Variants in NRXN1 observed in about 807,000 individuals in gnomAD.
NRXN1 encodes neurexin 1.
In NRXN1, 39 loss-of-function variants were observed where a neutral mutation model predicts 150.9. The observed-to-expected ratio is 0.26, with a 90% confidence interval of 0.20 to 0.34. NRXN1 has a LOEUF of 0.34. NRXN1 is among the 10% of genes least tolerant of loss of function. NRXN1 has a pLI of 1.00. For synonymous variants in NRXN1, 924 were observed against 757.0 expected (o/e 1.22, Z -3.62); for missense variants, 1,815 against 1,949.9 (o/e 0.93, Z 1.30).
chr2:50,557,813 T>C (rs1266705984), intron 8 of NRXN1, among the ~76,000 whole-genome samples: 4 of 152,202 alleles, frequency 2.6e-5, no homozygotes, highest in Non-Finnish European at 4.4e-5. Context: ...AGAAGGTAGA[T>C]AGCAATTGAT....
intron 17 of NRXN1, among the ~76,000 whole-genome samples, chr2:50,315,588 C>T (rs1016850268): frequency 1.3e-5 from 2 of 152,104 alleles, no homozygotes; most frequent in Non-Finnish European, 2.9e-5. Flanking sequence ...GTCTCCTGTA[C>T]AGTCAGTGCC....
chr2:50,831,685 A>T (rs533688908), intron 5 of NRXN1, among the ~76,000 whole-genome samples: 2 of 152,250 alleles, frequency 1.3e-5, no homozygotes, highest in Non-Finnish European at 2.9e-5. Context: ...TTTTTAAAAC[A>T]TGGACGTTAC....
At chr2:50,525,597 GC>G (rs2092929961) in intron 12 of NRXN1, among the ~76,000 whole-genome samples, 2 of 152,272 alleles carry the variant, frequency 1.3e-5, no homozygotes, top group South Asian at 4.1e-4. Flanking sequence ...AAGCTAATGA[GC>G]ATCAATAAAC....
At chr2:50,427,381 C>A (rs1176299439) in intron 17 of NRXN1, among the ~76,000 whole-genome samples, 2 of 150,720 alleles carry the variant, frequency 1.3e-5, no homozygotes, top group Admixed American at 6.6e-5. Context: ...AAAAAAAAGC[C>A]CATAACATTC....
At chr2:50,655,996 G>A (rs964938853) in intron 5 of NRXN1, among the ~76,000 whole-genome samples, 2 of 151,898 alleles carry the variant, frequency 1.3e-5, no homozygotes, top group African/African-American at 4.8e-5. Context: ...CGACCTCTAG[G>A]CTTCAGAAAG....
chr2:50,699,168 T>C (rs1050561692), intron 5 of NRXN1, among the ~76,000 whole-genome samples: 33 of 152,090 alleles, frequency 2.2e-4, no homozygotes, highest in Non-Finnish European at 7.4e-5. Flanking sequence ...TAAAACCTAG[T>C]ATGGGATGAT....
At chr2:50,868,580 G>T (rs953225851) in intron 5 of NRXN1, among the ~76,000 whole-genome samples, 24 of 151,662 alleles carry the variant, frequency 1.6e-4, no homozygotes, top group African/African-American at 5.6e-4. Flanking sequence ...AACTTCAAAA[G>T]AATTACAGAA....
intron 21 of NRXN1, among the ~76,000 whole-genome samples, chr2:49,952,820 T>C (rs1044456273): frequency 6.6e-6 from 1 of 152,148 alleles, no homozygotes; most frequent in Non-Finnish European, 1.5e-5. Flanking sequence ...CAATGAGATA[T>C]TCATCTTTGT....
At chr2:50,678,175 A>G (rs1689815732) in intron 5 of NRXN1, among the ~76,000 whole-genome samples, 1 of 152,120 alleles carries the variant, frequency 6.6e-6, no homozygotes. Context: ...ATTCTAAACT[A>G]AGCACTGCAT....
At chr2:50,444,166 A>T (rs999210620) in intron 17 of NRXN1, among the ~76,000 whole-genome samples, 1 of 152,216 alleles carries the variant, frequency 6.6e-6, no homozygotes, top group African/African-American at 2.4e-5. Flanking sequence ...CTTCTCTGAT[A>T]AAAATCTTTA....
chr2:50,939,928 C>G (rs1689148256), intron 2 of NRXN1, among the ~76,000 whole-genome samples: 1 of 152,108 alleles, frequency 6.6e-6, no homozygotes, highest in Admixed American at 6.6e-5. Context: ...AATTATATAG[C>G]TGTCAATTAA....
chr2:50,225,788 C>T (rs957313443), intron 18 of NRXN1, among the ~76,000 whole-genome samples: 12 of 151,664 alleles, frequency 7.9e-5, no homozygotes, highest in African/African-American at 2.4e-4. Context: ...TATTTATGCC[C>T]CAAACTTACA....
intron 5 of NRXN1, among the ~76,000 whole-genome samples, chr2:50,649,259 T>TACACAC (rs10634117): frequency 0.032 from 4,524 of 143,274 alleles, 74 homozygotes; most frequent in Middle Eastern, 0.068. Context: ...CATACACACA[T>TACACAC]ACACACACAC....
At chr2:50,990,694 G>A (rs965780483) in intron 2 of NRXN1, among the ~76,000 whole-genome samples, 1 of 151,910 alleles carries the variant, frequency 6.6e-6, no homozygotes, top group African/African-American at 2.4e-5. Context: ...CTATTAAACA[G>A]GAGTATGATT....
intron 19 of NRXN1, among the ~76,000 whole-genome samples, chr2:50,061,931 AT>A (rs1191092657): frequency 6.6e-6 from 1 of 152,172 alleles, no homozygotes; most frequent in Non-Finnish European, 1.5e-5. Context: ...AGAATTAAGT[AT>A]TTTTGACAGG....
At chr2:50,113,884 C>A (rs1702691040) in intron 18 of NRXN1, among the ~76,000 whole-genome samples, 1 of 152,054 alleles carries the variant, frequency 6.6e-6, no homozygotes, top group Non-Finnish European at 1.5e-5. Context: ...ATTCAATGGT[C>A]AGTTAATTTT....
intron 21 of NRXN1, among the ~76,000 whole-genome samples, chr2:50,010,469 C>T (rs1039778944): frequency 1.3e-5 from 2 of 152,130 alleles, no homozygotes; most frequent in African/African-American, 4.8e-5. Context: ...AATCTGCAAC[C>T]AGATTCTGGT....
intron 17 of NRXN1, among the ~76,000 whole-genome samples, chr2:50,446,473 C>T (rs1211575697): frequency 7.1e-6 from 1 of 140,986 alleles, no homozygotes; most frequent in Non-Finnish European, 1.5e-5. Flanking sequence ...TCCTCCCTCC[C>T]TTCCTGCCTC....
At chr2:50,875,006 T>C (rs1678363414) in intron 5 of NRXN1, among the ~76,000 whole-genome samples, 1 of 151,816 alleles carries the variant, frequency 6.6e-6, no homozygotes, top group African/African-American at 2.4e-5. Context: ...AAAGTGGTGT[T>C]ATATGTTAGT....
Sources: allele counts gnomAD v4.1 joint callset (sites outside exome capture counted in the v4.1 genomes callset), GRCh38; gene constraint gnomAD v4.1.1; transcripts MANE v1.5; gene names NCBI Gene and HGNC (gene_info 2026-07-23, HGNC 2026-07-21).